Variants in MAP2K5 observed in about 807,000 individuals in gnomAD.
The protein encoded by MAP2K5 is dual specificity mitogen-activated protein kinase kinase 5.
Under a neutral mutation model 83.1 loss-of-function variants are expected in MAP2K5, and 49 were observed. The observed-to-expected ratio is 0.59, with a 90% CI of 0.47 to 0.75. The LOEUF (loss-of-function observed/expected upper bound fraction) is 0.75, where lower values mean the gene tolerates loss of function less well. MAP2K5 is among the 30% of genes least tolerant of loss of function. The pLI is 0.00. For synonymous variants in MAP2K5, 202 were observed against 191.8 expected (o/e 1.05, Z -0.44); for missense variants, 457 against 557.5 (o/e 0.82, Z 1.82).
intron 8 of MAP2K5, among the ~76,000 whole-genome samples, chr15:67,615,853 T>C (rs1296378703): frequency 6.6e-6 from 1 of 152,198 alleles, no homozygotes; most frequent in Non-Finnish European, 1.5e-5. Flanking sequence ...AGTATTTGTG[T>C]ACTCATGAGC....
intron 7 of MAP2K5, among the ~76,000 whole-genome samples, chr15:67,597,427 G>T (rs1191374865): frequency 6.6e-6 from 1 of 152,196 alleles, no homozygotes; most frequent in Non-Finnish European, 1.5e-5. Context: ...CTATGATGTT[G>T]AACTGGAGTA....
chr15:67,666,167 C>T (rs2087372970), intron 13 of MAP2K5, among the ~76,000 whole-genome samples: 1 of 152,168 alleles, frequency 6.6e-6, no homozygotes, highest in Non-Finnish European at 1.5e-5. Context: ...TTAGGATCAT[C>T]CTGTCTCTGG....
intron 12 of MAP2K5, among the ~76,000 whole-genome samples, chr15:67,660,942 G>C (rs769459506): frequency 5.9e-5 from 9 of 151,676 alleles, no homozygotes; most frequent in South Asian, 2.1e-4. Flanking sequence ...ACTTATGAAT[G>C]AGAGAATAGT....
intron 16 of MAP2K5, among the ~76,000 whole-genome samples, chr15:67,706,253 G>A (rs1446535303): frequency 6.6e-6 from 1 of 152,192 alleles, no homozygotes; most frequent in Non-Finnish European, 1.5e-5. Context: ...GAAGGAGATT[G>A]CCATTGATAT....
intron 11 of MAP2K5, among the ~76,000 whole-genome samples, chr15:67,650,603 T>C (rs945486470): frequency 1.3e-5 from 2 of 152,036 alleles, no homozygotes; most frequent in African/African-American, 4.8e-5. Flanking sequence ...TATTTGGTCC[T>C]TTATTCTATT....
chr15:67,741,884 A>C (rs990465725), intron 17 of MAP2K5, among the ~76,000 whole-genome samples: 9 of 151,046 alleles, frequency 6.0e-5, no homozygotes, highest in Non-Finnish European at 1.0e-4. Context: ...CTTGGATTCA[A>C]AATAAGAAAG....
At chr15:67,763,157 C>G (rs1398165872) in intron 19 of MAP2K5, among the ~76,000 whole-genome samples, 1 of 152,128 alleles carries the variant, frequency 6.6e-6, no homozygotes, top group South Asian at 2.1e-4. Context: ...TGCCAGCCTT[C>G]CTAAGTTCAA....
intron 8 of MAP2K5, among the ~76,000 whole-genome samples, chr15:67,601,175 T>C (rs1299208259): frequency 6.6e-6 from 1 of 152,158 alleles, no homozygotes; most frequent in Non-Finnish European, 1.5e-5. Flanking sequence ...TATAAGTTAT[T>C]AAAAAGCCTT....
In MAP2K5 at chr15:67,690,747, T is replaced by G. The variant is rs2088088787; in HGVS notation, c.848-1732T>G. Among the ~76,000 whole-genome samples, 1 of 152,096 alleles carries G rather than the reference T, an allele frequency of 6.6e-6. No individual in the cohort carries two copies. The highest frequency in any genetic ancestry group is 6.5e-5 in the Admixed American group (1 of 15,272). ...TGAGGTTTTGCCATGTTGGCCAGGC[T>G]GGTCTTGAACTCCTGACCCCCAGTG... is the stretch of plus-strand genomic sequence containing the variant. On this transcript the variant is annotated intron_variant, in intron 13 of 21. Coordinates refer to ENST00000178640, the MANE Select transcript of MAP2K5 (RefSeq NM_145160.3). This position sits in a 1 kb window ranked among gnomAD's most constrained non-coding sequence, Gnocchi z 4.3.
At chr15:67,662,803 T>G (rs2087270459) in intron 12 of MAP2K5, among the ~76,000 whole-genome samples, 1 of 152,158 alleles carries the variant, frequency 6.6e-6, no homozygotes, top group South Asian at 2.1e-4. Context: ...GTTTGTATTT[T>G]CTCATTTTAT....
rs1488307168 is a variant in MAP2K5 at position 67,780,541 on chromosome 15, G to T, written c.1242+7789G>T. Among the ~76,000 whole-genome samples, 1 of 152,166 alleles carries T rather than the reference G, an allele frequency of 6.6e-6. No individual in the cohort carries two copies. Among genetic ancestry groups the T allele is most frequent in the Non-Finnish European group, 1.5e-5 (1 of 68,020 alleles). ...GATAGACAAACAAGACATGTATCTGGTTCTCCAGGAACTCAGAGTAAAGCT... is the reference window on the plus strand; with the variant it reads ...GATAGACAAACAAGACATGTATCTGTTTCTCCAGGAACTCAGAGTAAAGCT... On this transcript the variant is annotated intron_variant, in intron 21 of 21. Transcript: ENST00000178640. The surrounding 1 kb of genome is among the most constrained non-coding windows in gnomAD (Gnocchi z 5.0).
At position 67,755,141 on chromosome 15, in the gene MAP2K5, A is replaced by AT. The variant is rs1477911745; in HGVS notation, c.1134+6547dup. ...AGGTGTGCACCACCACGCCCAGCTAATTTTTTTGTGTGTTTTTAGTAGAGA... is the reference window on the plus strand; with the variant it reads ...AGGTGTGCACCACCACGCCCAGCTAATTTTTTTTGTGTGTTTTTAGTAGAGA... On this transcript the variant is annotated intron_variant, in intron 19 of 21. Transcript: ENST00000178640. The surrounding 1 kb of genome is among the most constrained non-coding windows in gnomAD (Gnocchi z 4.7). 6.6e-6 allele frequency among the ~76,000 whole-genome samples: 1 copy of AT among 151,678 alleles called. No homozygotes were observed. Among genetic ancestry groups the AT allele is most frequent in the South Asian group, 2.1e-4 (1 of 4,792 alleles).
intron 11 of MAP2K5, among the ~76,000 whole-genome samples, chr15:67,648,020 A>G (rs2086867329): frequency 6.6e-6 from 1 of 152,206 alleles, no homozygotes; most frequent in Non-Finnish European, 1.5e-5. Flanking sequence ...AGTCTAGGCA[A>G]CAGAGTGAGA....
chr15:67,546,366 T>C (rs1168512843), intron 1 of MAP2K5: 1 of 153,346 alleles, frequency 6.5e-6, no homozygotes, highest in East Asian at 1.9e-4. Flanking sequence ...ACCCAGCTAA[T>C]TTTTGGCAGA....
Position 67,770,554 on chromosome 15 carries a change from C to T in MAP2K5, c.1196+891C>T, listed in dbSNP as rs917361877. 6.6e-6 allele frequency among the ~76,000 whole-genome samples: 1 copy of T among 152,284 alleles called. No individual in the cohort carries two copies. Among genetic ancestry groups the T allele is most frequent in the Middle Eastern group, 3.4e-3 (1 of 294 alleles). Reference sequence around the variant, plus strand: ...TTCTTAACTACGTTGGTCTTCTTTCCCTCCTTCACCAAAGTCCAGAGTCAT... The same window carrying T: ...TTCTTAACTACGTTGGTCTTCTTTCTCTCCTTCACCAAAGTCCAGAGTCAT... On this transcript the variant is annotated intron_variant, in intron 20 of 21. Coordinates refer to ENST00000178640, the MANE Select transcript of MAP2K5 (RefSeq NM_145160.3). This position sits in a 1 kb window ranked among gnomAD's most constrained non-coding sequence, Gnocchi z 5.0.
intron 13 of MAP2K5, chr15:67,670,325 G>A (rs2087496899): frequency 2.2e-6 from 1 of 445,002 alleles, no homozygotes; most frequent in Admixed American, 2.4e-5. Context: ...TGGAGGAGGA[G>A]TTGACTGTAA....
At chr15:67,611,672 T>C (rs148327859) in intron 8 of MAP2K5, among the ~76,000 whole-genome samples, 1 of 152,304 alleles carries the variant, frequency 6.6e-6, no homozygotes, top group Non-Finnish European at 1.5e-5. Flanking sequence ...GATAAATGAA[T>C]GGATTTCCCT....
intron 19 of MAP2K5, among the ~76,000 whole-genome samples, chr15:67,767,623 G>A (rs1254904126): frequency 6.6e-6 from 1 of 152,182 alleles, no homozygotes; most frequent in African/African-American, 2.4e-5. Context: ...GAATCTTACA[G>A]GCTTGGTGAT....
chr15:67,791,098 A>C (rs4776972), intron 21 of MAP2K5, among the ~76,000 whole-genome samples: 31,175 of 152,218 alleles, frequency 0.2, 4,500 homozygotes, highest in East Asian at 0.59. Context: ...GCAGGAGCCA[A>C]GCATCTTCTT....
Sources: allele counts gnomAD v4.1 joint callset (sites outside exome capture counted in the v4.1 genomes callset), GRCh38; gene constraint gnomAD v4.1.1; non-coding constraint Gnocchi (gnomAD v3.1); transcripts MANE v1.5; gene names NCBI Gene and HGNC (gene_info 2026-07-23, HGNC 2026-07-21).